The following SOX5 variants were observed in gnomAD, a reference collection of about 807,000 sequenced individuals.
SOX5 encodes transcription factor SOX-5.
Under a neutral mutation model 92.0 loss-of-function variants are expected in SOX5, and 9 were observed. The observed-to-expected ratio is 0.10, with a 90% CI of 0.06 to 0.17. The LOEUF is 0.17. Among genes scored for constraint, SOX5 ranks in the 10% least tolerant of loss-of-function variants. The pLI is 1.00. For missense variants in SOX5, 642 were observed against 944.5 expected (o/e 0.68, Z 4.20); for synonymous variants, 344 against 336.3 (o/e 1.02, Z -0.25).
chr12:23,838,051 T>C, intron 3 of SOX5, among the ~76,000 whole-genome samples: 1 of 86,294 alleles, frequency 1.2e-5, no homozygotes. Context: ...ATATAATATA[T>C]ATTTATACTT....
In SOX5 at chr12:23,965,465, C is replaced by CT. The variant is rs553671801; in HGVS notation, c.-1-69442dup. On this transcript the variant is annotated intron_variant, in intron 4 of 4. Coordinates refer to the SOX5 transcript ENST00000446891. ...GCACGAAGACCAGAGGTAAAGTTCT[C>CT]TAGCACTGGACAACTTCCTGCACAA... 1.6e-3 allele frequency among the ~76,000 whole-genome samples: 246 copies of CT among 152,276 alleles called. 1 individual carries two copies. The highest frequency in any genetic ancestry group is 6.8e-3 in the Middle Eastern group (2 of 294).
At chr12:24,454,784 A>C (rs1942795727) in intron 1 of SOX5, among the ~76,000 whole-genome samples, 1 of 152,154 alleles carries the variant, frequency 6.6e-6, no homozygotes, top group African/African-American at 2.4e-5. Context: ...TTATGGTAAT[A>C]ATAACTAATT....
At chr12:24,440,618 G>GTT (rs1940365220) in intron 1 of SOX5, among the ~76,000 whole-genome samples, 1 of 149,530 alleles carries the variant, frequency 6.7e-6, no homozygotes, top group African/African-American at 2.4e-5. Context: ...GTGTGTGTGT[G>GTT]TGTGTGTGTG....
intron 7 of SOX5, among the ~76,000 whole-genome samples, chr12:23,658,744 T>A (rs963231090): frequency 2.1e-4 from 32 of 151,916 alleles, no homozygotes; most frequent in African/African-American, 7.0e-4. Context: ...TACAAAAAAA[T>A]TAGCAAGGCA....
intron 6 of SOX5, among the ~76,000 whole-genome samples, chr12:23,674,888 C>T (rs1205089823): frequency 6.6e-6 from 1 of 151,938 alleles, no homozygotes; most frequent in South Asian, 2.1e-4. Context: ...TGCAATAGAA[C>T]GACATAGTAC....
chr12:24,068,704 G>GTGTGTA (rs1444359956), intron 4 of SOX5, among the ~76,000 whole-genome samples: 31 of 74,310 alleles, frequency 4.2e-4, no homozygotes, highest in East Asian at 1.1e-3. Context: ...GTGTGTGTGT[G>GTGTGTA]TATATATATA....
intron 1 of SOX5, among the ~76,000 whole-genome samples, chr12:24,371,913 A>C (rs774673282): frequency 6.6e-6 from 1 of 151,946 alleles, no homozygotes; most frequent in African/African-American, 2.4e-5. Context: ...GCTTGAACCC[A>C]GGAAGTGGAG....
chr12:23,687,764 AAAAG>A (rs1463439195), intron 6 of SOX5, among the ~76,000 whole-genome samples: 2 of 152,066 alleles, frequency 1.3e-5, no homozygotes, highest in Non-Finnish European at 2.9e-5. Context: ...TAATAATTGA[AAAAG>A]AACCATTTAC....
chr12:23,837,196 TATATA>T (rs1419897038), intron 3 of SOX5, among the ~76,000 whole-genome samples: 6 of 134,718 alleles, frequency 4.5e-5, no homozygotes, highest in African/African-American at 1.1e-4. Flanking sequence ...TACATGTGTA[TATATA>T]ATATATTTAT....
chr12:24,270,471 C>T (rs1943584535), intron 3 of SOX5, among the ~76,000 whole-genome samples: 1 of 152,116 alleles, frequency 6.6e-6, no homozygotes, highest in Admixed American at 6.5e-5. Flanking sequence ...GCATAAAACA[C>T]CACAAAAAAA....
chr12:24,093,391 C>T (rs1172273118), intron 4 of SOX5, among the ~76,000 whole-genome samples: 1 of 151,828 alleles, frequency 6.6e-6, no homozygotes, highest in Non-Finnish European at 1.5e-5. Context: ...GGCGTGGTGG[C>T]GGGCGCCTGT....
chr12:23,863,542 T>C (rs899615116), intron 2 of SOX5, among the ~76,000 whole-genome samples: 2 of 152,138 alleles, frequency 1.3e-5, no homozygotes, highest in African/African-American at 4.8e-5. Flanking sequence ...CGGAATAAAA[T>C]ACTTAATTGT....
chr12:23,765,385 CAAAAAAAAAAAAAA>C (rs373571301), intron 3 of SOX5, among the ~76,000 whole-genome samples: 32 of 31,430 alleles, frequency 1.0e-3, no homozygotes, highest in African/African-American at 4.6e-3. Flanking sequence ...TGTAAAACAG[CAAAAAAAAAAAAAA>C]AAAAAAAAAA....
intron 4 of SOX5, among the ~76,000 whole-genome samples, chr12:23,985,136 A>G (rs1292717969): frequency 6.6e-6 from 1 of 152,170 alleles, no homozygotes; most frequent in Non-Finnish European, 1.5e-5. Flanking sequence ...TCATTTTTTT[A>G]GCTAAACAGA....
chr12:23,570,921 AAAAAAAAAAATATATATATAT>A (rs1399559764), intron 10 of SOX5, among the ~76,000 whole-genome samples: 21 of 42,856 alleles, frequency 4.9e-4, no homozygotes, highest in African/African-American at 1.9e-3. Flanking sequence ...AAAAAAAAAA[AAAAAAAAAAATATATATATAT>A]ATATATATAT....
intron 6 of SOX5, among the ~76,000 whole-genome samples, chr12:23,669,815 G>A (rs183605391): frequency 1.3e-3 from 197 of 152,224 alleles, no homozygotes; most frequent in Non-Finnish European, 2.2e-3. Context: ...TGATGGCTAC[G>A]GTTTTGGATA....
intron 6 of SOX5, among the ~76,000 whole-genome samples, chr12:23,666,780 T>A (rs1006106972): frequency 3.3e-5 from 5 of 152,158 alleles, no homozygotes; most frequent in African/African-American, 1.2e-4. Context: ...TTGATTATAG[T>A]AGGGATGATG....
chr12:23,626,136 T>C (rs1037264512), intron 8 of SOX5, among the ~76,000 whole-genome samples: 2 of 151,554 alleles, frequency 1.3e-5, no homozygotes, highest in African/African-American at 4.9e-5. Flanking sequence ...CGGAGAGAGA[T>C]AGTCAAGAAA....
rs1368130795 is a variant in SOX5, at chr12:24,235,202, TC to T, written c.-76-21786del. ...AACATTTGTTTCAAGCTTCAGGCATTCATATAGCCTATGAAAGATGACATTA... is the reference window on the plus strand; with the variant it reads ...AACATTTGTTTCAAGCTTCAGGCATTATATAGCCTATGAAAGATGACATTA... On this transcript the variant is annotated intron_variant, in intron 3 of 4. Coordinates refer to the SOX5 transcript ENST00000446891. Among the ~76,000 whole-genome samples, 38 of 152,384 alleles carry T rather than the reference TC, an allele frequency of 2.5e-4. 1 individual carries two copies. The highest frequency in any genetic ancestry group is 8.9e-4 in the African/African-American group (37 of 41,596).
Sources: allele counts gnomAD v4.1 joint callset (sites outside exome capture counted in the v4.1 genomes callset), GRCh38; gene constraint gnomAD v4.1.1; transcripts MANE v1.5; gene names NCBI Gene and HGNC (gene_info 2026-07-23, HGNC 2026-07-21).